The following DYNC1I2 variants were observed in gnomAD, a reference collection of about 807,000 sequenced individuals.
The protein encoded by DYNC1I2 is dynein cytoplasmic 1 intermediate chain 2.
Under a neutral mutation model 88.6 loss-of-function variants are expected in DYNC1I2, and 53 were observed. That is an observed-to-expected ratio of 0.60 (90% CI 0.48 to 0.75). The LOEUF (loss-of-function observed/expected upper bound fraction) is 0.75. DYNC1I2 is among the 30% of genes least tolerant of loss of function. The probability of loss-of-function intolerance (pLI) is 0.00; values close to 1 mark genes in which losing one functional copy is unlikely to be tolerated. For synonymous variants in DYNC1I2, 198 were observed against 254.6 expected, an observed-to-expected ratio of 0.78 and a Z score of 2.12; for missense variants, 458 against 766.6, an observed-to-expected ratio of 0.60 and a Z score of 4.75.
At chr2:171,710,810 C>T (rs1687067015) in intron 5 of DYNC1I2, among the ~76,000 whole-genome samples, 1 of 150,868 alleles carries the variant, frequency 6.6e-6, no homozygotes, top group East Asian at 1.9e-4. Flanking sequence ...TCAAGCAACT[C>T]TCCTGCCTCA....
At chr2:171,738,305 C>T (rs540650580) in intron 15 of DYNC1I2, among the ~76,000 whole-genome samples, 1 of 151,718 alleles carries the variant, frequency 6.6e-6, no homozygotes, top group African/African-American at 2.4e-5. Flanking sequence ...GCACTCCAGC[C>T]TGGGAGACAA....
Position 171,728,058 on chromosome 2 carries a change from T to C in DYNC1I2, c.1143+91T>C, listed in dbSNP as rs944789459. On this transcript the variant is annotated intron_variant, in intron 12 of 17. Transcript: ENST00000397119. ...AGTGGCCATCAGAGTCATCTCAGAA[T>C]GTGCTTCCTTTGGTGTATGAATTCC... The C allele has an allele frequency of 1.5e-5, 21 of 1,409,884 alleles. No individual in the cohort carries two copies. In the Admixed American group the frequency reaches 5.7e-4, roughly 38 times the overall value. 87.3% of individuals were successfully genotyped at this position (1,409,884 alleles called of 1,614,324 possible). A position where few individuals can be genotyped will look rare whatever the true frequency, so the allele number is the denominator to read the frequency against.
Position 171,725,598 on chromosome 2 carries a change from GTT to G in DYNC1I2, c.512-5_512-4del, listed in dbSNP as rs746910264. 3.5e-3 allele frequency: 3,062 copies of G among 885,564 alleles called. 2 individuals are homozygous for G. The highest frequency in any genetic ancestry group is 0.011 in the East Asian group (317 of 28,466). 54.9% of individuals were successfully genotyped at this position (885,564 alleles called of 1,614,324 possible). ...ATTCTGTTTTTTTGTTTTTTTGTTT[GTT>G]TTTTTTTTTTTTTTCAGATGAAGAG... On this transcript the variant is annotated intron_variant, in intron 7 of 17. Transcript: ENST00000397119.
intron 14 of DYNC1I2, among the ~76,000 whole-genome samples, 191 bp from the exon 15 acceptor site, chr2:171,729,518 T>C (rs1688468487): frequency 6.6e-6 from 1 of 152,230 alleles, no homozygotes. Context: ...CAAAGGTACT[T>C]ATTGCTTTAG....
intron 3 of DYNC1I2, among the ~76,000 whole-genome samples, chr2:171,700,559 A>G (rs1321881768): frequency 2.6e-5 from 4 of 152,216 alleles, no homozygotes; most frequent in East Asian, 1.9e-4. Flanking sequence ...AAACCAAACT[A>G]CTGTAGAGAC....
At chr2:171,739,483 A>G (rs887257581) in intron 15 of DYNC1I2, among the ~76,000 whole-genome samples, 9 of 152,136 alleles carry the variant, frequency 5.9e-5, no homozygotes, top group African/African-American at 2.2e-4. Context: ...TCAAGCCTAT[A>G]CATACCATTT....
At chr2:171,734,141 T>C (rs1688843508) in intron 15 of DYNC1I2, among the ~76,000 whole-genome samples, 1 of 152,196 alleles carries the variant, frequency 6.6e-6, no homozygotes, top group Non-Finnish European at 1.5e-5. Context: ...CCCTATTCTG[T>C]TCCCAGTCTG....
At chr2:171,708,063 TCTCTCA>T (rs1376263748) in intron 5 of DYNC1I2, among the ~76,000 whole-genome samples, 2 of 147,724 alleles carry the variant, frequency 1.4e-5, no homozygotes, top group Admixed American at 6.7e-5. Context: ...CCTCTTTGTC[TCTCTCA>T]CACACACACA....
At chr2:171,738,344 AAAAG>A (rs1192499389) in intron 15 of DYNC1I2, among the ~76,000 whole-genome samples, 1 of 150,232 alleles carries the variant, frequency 6.7e-6, no homozygotes, top group Non-Finnish European at 1.5e-5. Context: ...AAAGAAAAAA[AAAAG>A]AAAAAAAGAT....
intron 15 of DYNC1I2, 42 bp from the exon 16 acceptor site, chr2:171,744,007 G>C: frequency 6.5e-7 from 1 of 1,538,680 alleles, no homozygotes; most frequent in Non-Finnish European, 8.7e-7. Context: ...TGATTTGTAT[G>C]TCATATATGG....
chr2:171,700,775 GCGCC>G (rs1486749320), intron 3 of DYNC1I2, among the ~76,000 whole-genome samples: 6 of 152,088 alleles, frequency 3.9e-5, no homozygotes, highest in Non-Finnish European at 1.5e-5. Context: ...GGGACTACAG[GCGCC>G]CGCCACCACG....
Position 171,748,620 on chromosome 2 carries a change from A to G in DYNC1I2, c.*731A>G, listed in dbSNP as rs17499502. Among the ~76,000 whole-genome samples, 38,735 of 152,058 alleles carry G rather than the reference A, an allele frequency of 0.25. 5,922 individuals carry two copies. The highest frequency in any genetic ancestry group is 0.37 in the Middle Eastern group (109 of 294). On this transcript the variant is annotated 3_prime_UTR_variant, in exon 18 of 18. Coordinates refer to ENST00000397119, the MANE Select transcript of DYNC1I2 (RefSeq NM_001378.3). ...GTCTAGATAATCTGTTGGTGAAAAA[A>G]TTTCCCCTAGGTTAACTTTTGCTTT...
At chr2:171,740,091 A>C (rs755956936) in intron 15 of DYNC1I2, among the ~76,000 whole-genome samples, 1 of 152,104 alleles carries the variant, frequency 6.6e-6, no homozygotes, top group Admixed American at 6.6e-5. Context: ...TTCTTGAGGA[A>C]GAAACCAGGT....
chr2:171,743,213 T>C (rs1689564531), intron 15 of DYNC1I2, among the ~76,000 whole-genome samples: 1 of 152,212 alleles, frequency 6.6e-6, no homozygotes, highest in Non-Finnish European at 1.5e-5. Flanking sequence ...GAAGAGAAAA[T>C]ATATTTACTA....
intron 7 of DYNC1I2, among the ~76,000 whole-genome samples, chr2:171,722,039 A>G (rs1687938260): frequency 6.6e-6 from 1 of 152,166 alleles, no homozygotes; most frequent in Non-Finnish European, 1.5e-5. Flanking sequence ...TCTTAAATGT[A>G]AAATGTATCT....
chr2:171,687,979 G>T, intron 1 of DYNC1I2: 1 of 152,552 alleles, frequency 6.6e-6, no homozygotes, highest in Non-Finnish European at 1.5e-5. Context: ...GCCCAGCTTT[G>T]GGGAGGAAAG....
At chr2:171,741,037 TC>T (rs945647874) in intron 15 of DYNC1I2, among the ~76,000 whole-genome samples, 5 of 152,228 alleles carry the variant, frequency 3.3e-5, no homozygotes, top group Admixed American at 1.3e-4. Context: ...TATGGACAGT[TC>T]ATGGACATTT....
At chr2:171,718,319 G>A (rs1309056740) in intron 7 of DYNC1I2, among the ~76,000 whole-genome samples, 2 of 152,096 alleles carry the variant, frequency 1.3e-5, no homozygotes, top group African/African-American at 4.8e-5. Flanking sequence ...AATTACTATA[G>A]TGGTATATCA....
chr2:171,713,477 A>G (rs1687271622), intron 6 of DYNC1I2, among the ~76,000 whole-genome samples: 1 of 151,264 alleles, frequency 6.6e-6, no homozygotes, highest in Non-Finnish European at 1.5e-5. Flanking sequence ...GAAACGTTAG[A>G]AAACTAATGC....
Sources: allele counts gnomAD v4.1 joint callset (sites outside exome capture counted in the v4.1 genomes callset), GRCh38; gene constraint gnomAD v4.1.1; transcripts MANE v1.5; gene names NCBI Gene and HGNC (gene_info 2026-07-23, HGNC 2026-07-21).